ATP2C1: variants seen among roughly 807,000 people sequenced by gnomAD.
ATP2C1 encodes calcium-transporting ATPase type 2C member 1.
A neutral mutation model predicts 120.5 loss-of-function variants in ATP2C1; 31 were observed. The ratio of observed to expected loss-of-function variants is 0.26; its 90% CI spans 0.19 to 0.35. The LOEUF (loss-of-function observed/expected upper bound fraction) is 0.35, where lower values mean the gene tolerates loss of function less well. Ranked by LOEUF, ATP2C1 falls within the 10% of genes least tolerant of loss-of-function variation. The probability of loss-of-function intolerance (pLI) is 1.00; values close to 1 mark genes in which losing one functional copy is unlikely to be tolerated. For synonymous variants in ATP2C1, 351 were observed against 358.7 expected (o/e 0.98, Z 0.24); for missense variants, 731 against 1,107.5 (o/e 0.66, Z 4.83).
chr3:130,897,377 A>G (rs747130407), intron 2 of ATP2C1, among the ~76,000 whole-genome samples: 2 of 152,210 alleles, frequency 1.3e-5, no homozygotes, highest in Non-Finnish European at 2.9e-5. Context: ...AAGCTTTCTC[A>G]GCCTCTAAGT....
intron 2 of ATP2C1, 92 bp from the exon 3 acceptor site, chr3:130,930,324 A>G (rs1257741097): frequency 1.2e-6 from 1 of 817,510 alleles, no homozygotes; most frequent in Admixed American, 2.0e-5. Context: ...CTGGAAAATT[A>G]GTTGCTGTGA....
At chr3:130,935,789 A>G (rs1292205800) in intron 5 of ATP2C1, among the ~76,000 whole-genome samples, 1 of 152,242 alleles carries the variant, frequency 6.6e-6, no homozygotes, top group Non-Finnish European at 1.5e-5. Flanking sequence ...TTGATAAAGC[A>G]GTAAAAATTA....
At position 130,994,112 on chromosome 3, in the gene ATP2C1, C is replaced by T; in HGVS notation, c.2057+14C>T. ...TCAAACCATAATGTAAGCTTTGTTT[C>T]AGTGAATGCCTATCAGAGAATCTTC... On this transcript the variant is annotated intron_variant, in intron 22 of 27. Transcript: ENST00000510168. 6.2e-7 allele frequency: 1 copy of T among 1,613,852 alleles called. No individual in the cohort carries two copies. The highest frequency in any genetic ancestry group is 8.5e-7 in the Non-Finnish European group (1 of 1,179,818).
intron 1 of ATP2C1, among the ~76,000 whole-genome samples, chr3:130,880,526 T>G (rs2068748053): frequency 1.3e-5 from 2 of 152,248 alleles, no homozygotes; most frequent in Admixed American, 1.3e-4. Flanking sequence ...CTGTAAATGC[T>G]TCTAATCCAA....
chr3:130,936,917 C>T (rs1228922129), intron 5 of ATP2C1, among the ~76,000 whole-genome samples: 2 of 151,360 alleles, frequency 1.3e-5, no homozygotes, highest in Non-Finnish European at 2.9e-5. Flanking sequence ...TTTCTTCATA[C>T]ACTTTAGCCT....
chr3:130,995,649 GT>G (rs960190047), intron 22 of ATP2C1, among the ~76,000 whole-genome samples: 5 of 144,020 alleles, frequency 3.5e-5, no homozygotes, highest in African/African-American at 1.5e-4. Flanking sequence ...TTATTTATTT[GT>G]TTGTTTGTTT....
rs35292140 is a variant in ATP2C1 at position 130,906,675 on chromosome 3, G to GTT, written c.6+11915_6+11916dup. 8.8e-3 allele frequency among the ~76,000 whole-genome samples: 1,176 copies of GTT among 133,518 alleles called. 8 individuals carry two copies. The highest frequency in any genetic ancestry group is 0.01 in the African/African-American group (381 of 36,286). The allele number at this position is 133,518 out of a possible 152,430, so 87.6% of individuals were successfully genotyped here. A position where few individuals can be genotyped will look rare whatever the true frequency, so the allele number is the denominator to read the frequency against. ...TCCACATCCTCTCCAACATTTTGCT[G>GTT]TTTTTTTTTTTTTTTTCCATTGCAT... is the stretch of plus-strand genomic sequence containing the variant. On this transcript the variant is annotated intron_variant, in intron 2 of 27. Coordinates refer to ENST00000510168, the MANE Select transcript of ATP2C1 (RefSeq NM_001378687.1).
intron 1 of ATP2C1, among the ~76,000 whole-genome samples, chr3:130,881,520 A>C (rs570512173): frequency 6.6e-6 from 1 of 152,150 alleles, no homozygotes; most frequent in South Asian, 2.1e-4. Context: ...CACCATGCCC[A>C]GCTAGTTTTT....
At chr3:131,007,804 C>T (rs1403387370), downstream of ATP2C1, among the ~76,000 whole-genome samples, 2 of 152,198 alleles carry the variant, frequency 1.3e-5, no homozygotes, top group Admixed American at 6.5e-5. Context: ...AGGTCTGCAT[C>T]TTGCAGGCAT....
chr3:130,913,807 T>A (rs2058558177), intron 2 of ATP2C1, among the ~76,000 whole-genome samples: 1 of 152,174 alleles, frequency 6.6e-6, no homozygotes, highest in Non-Finnish European at 1.5e-5. Flanking sequence ...TATTGTACAA[T>A]AGTTAAGAAG....
At chr3:130,891,518 T>C (rs918542302), upstream of ATP2C1, among the ~76,000 whole-genome samples, 1 of 152,202 alleles carries the variant, frequency 6.6e-6, no homozygotes, top group Non-Finnish European at 1.5e-5. Flanking sequence ...GTAGGTTAAA[T>C]ATTCAGGACA....
chr3:130,879,487 T>C (rs2068714965), intron 1 of ATP2C1, among the ~76,000 whole-genome samples: 1 of 152,262 alleles, frequency 6.6e-6, no homozygotes, highest in Admixed American at 6.5e-5. Context: ...TGCATTTCAC[T>C]GAGTTTTCTG....
At chr3:130,902,080 A>G (rs1383905622) in intron 2 of ATP2C1, among the ~76,000 whole-genome samples, 1 of 152,064 alleles carries the variant, frequency 6.6e-6, no homozygotes, top group Admixed American at 6.6e-5. Flanking sequence ...ACGGCAAGGA[A>G]GTTGACTCCT....
At chr3:130,993,718 C>T (rs928770505) in intron 21 of ATP2C1, among the ~76,000 whole-genome samples, 1 of 152,190 alleles carries the variant, frequency 6.6e-6, no homozygotes, top group Non-Finnish European at 1.5e-5. Flanking sequence ...TTTAGAGATA[C>T]AGTTCTCACA....
intron 8 of ATP2C1, among the ~76,000 whole-genome samples, chr3:130,948,704 A>T (rs1009535438): frequency 2.0e-5 from 3 of 152,168 alleles, no homozygotes; most frequent in Admixed American, 6.5e-5. Context: ...TAATGCATTT[A>T]AAAAAATATA....
chr3:130,986,103 A>G (rs1026090977), intron 20 of ATP2C1, among the ~76,000 whole-genome samples: 15 of 151,610 alleles, frequency 9.9e-5, no homozygotes, highest in Admixed American at 7.9e-4. Flanking sequence ...TGTTGGGATC[A>G]CTGCCACCCA....
chr3:130,944,892 C>T (rs1473268609), intron 8 of ATP2C1, among the ~76,000 whole-genome samples: 1 of 152,112 alleles, frequency 6.6e-6, no homozygotes, highest in African/African-American at 2.4e-5. Flanking sequence ...TATATATAAC[C>T]TCTGCACATT....
In ATP2C1 at chr3:130,894,420, T is replaced by C. The variant is rs1022396789; in HGVS notation, c.-181+83T>C. ...AGGGGAGGTTCGGGTATCCCCTGGA[T>C]GGGGGGGCATCTCTAGGGCGCCGCC... On this transcript the variant is annotated intron_variant, in intron 1 of 27. Transcript: ENST00000510168. This position sits in a 1 kb window ranked among gnomAD's most constrained non-coding sequence, Gnocchi z 4.5. 1.6e-6 allele frequency: 2 copies of C among 1,235,828 alleles called. No homozygotes were observed. The highest frequency in any genetic ancestry group is 2.0e-6 in the Non-Finnish European group (2 of 977,998). The allele number at this position is 1,235,828 out of a possible 1,614,324, so 76.6% of individuals were successfully genotyped here.
At chr3:131,014,555 G>C (rs2063498655) in intron 26 of ATP2C1, among the ~76,000 whole-genome samples, 1 of 152,180 alleles carries the variant, frequency 6.6e-6, no homozygotes, top group Non-Finnish European at 1.5e-5. Context: ...GGAAGGAACT[G>C]AGCTGGTATG....
Sources: allele counts gnomAD v4.1 joint callset (sites outside exome capture counted in the v4.1 genomes callset), GRCh38; gene constraint gnomAD v4.1.1; non-coding constraint Gnocchi (gnomAD v3.1); transcripts MANE v1.5; gene names NCBI Gene and HGNC (gene_info 2026-07-23, HGNC 2026-07-21).